The following LRRC8D variants were observed in gnomAD, a reference collection of about 807,000 sequenced individuals.
The protein encoded by LRRC8D is leucine rich repeat containing 8 VRAC subunit D.
Under a neutral mutation model 55.8 loss-of-function variants are expected in LRRC8D, and 20 were observed. The ratio of observed to expected loss-of-function variants is 0.36; its 90% CI spans 0.25 to 0.52. The LOEUF (loss-of-function observed/expected upper bound fraction) is 0.52. Among genes scored for constraint, LRRC8D ranks in the 20% least tolerant of loss-of-function variants. The pLI is 0.93. For synonymous variants in LRRC8D, 352 were observed against 377.0 expected (o/e 0.93, Z 0.77); for missense variants, 651 against 1,030.8 (o/e 0.63, Z 5.05).
At chr1:89,904,985 T>C (rs1662954578) in intron 2 of LRRC8D, among the ~76,000 whole-genome samples, 1 of 127,338 alleles carries the variant, frequency 7.9e-6, no homozygotes, top group Non-Finnish European at 1.9e-5. Context: ...AATTTTTACA[T>C]GGAAGTACTT....
chr1:89,841,624 C>T (rs761312270), intron 1 of LRRC8D, among the ~76,000 whole-genome samples: 1 of 152,106 alleles, frequency 6.6e-6, no homozygotes, highest in Non-Finnish European at 1.5e-5. Context: ...ATGCAGGAAT[C>T]GAATTTTAGT....
chr1:89,933,648 G>T lies in LRRC8D; in HGVS notation c.580G>T (p.Glu194Ter). The T allele has an allele frequency of 6.2e-7, 1 of 1,614,096 alleles. No individual in the cohort carries two copies. The highest frequency in any genetic ancestry group is 1.1e-5 in the South Asian group (1 of 91,078). ...FKYPKTCSKVEHFVSILGKCF... is the reference protein window; with the variant it reads ...FKYPKTCSKV ...ATATCCCAAAACATGCTCAAAAGTA[G>T]AACATTTTGTTTCAATATTAGGAAA... The change falls in exon 3 of 3, where the codon GAA becomes TAA. Residue 194 changes from glutamate to a stop codon, truncating the protein, a stop_gained. Transcript: ENST00000337338. LOFTEE classifies it high-confidence loss of function. This position sits in a 1 kb window ranked among gnomAD's most constrained non-coding sequence, Gnocchi z 7.0.
intron 2 of LRRC8D, among the ~76,000 whole-genome samples, chr1:89,864,581 A>G (rs530787765): frequency 8.4e-4 from 128 of 152,026 alleles, no homozygotes; most frequent in Non-Finnish European, 1.6e-3. Context: ...GGCCTCCATC[A>G]TGTTTTGCCT....
intron 2 of LRRC8D, among the ~76,000 whole-genome samples, chr1:89,849,325 A>G (rs990159119): frequency 4.6e-5 from 7 of 152,166 alleles, no homozygotes; most frequent in Admixed American, 2.0e-4. Context: ...TAAGCAACCT[A>G]GGCATATGGA....
rs1409210999 is a variant in LRRC8D, at chr1:89,889,983, C to T, written c.-2-43084C>T. Among the ~76,000 whole-genome samples, 5 of 151,932 alleles carry T rather than the reference C, an allele frequency of 3.3e-5. No homozygotes were observed. The East Asian group carries it at 5.8e-4, about 18-fold the overall frequency. On this transcript the variant is annotated intron_variant, in intron 2 of 2. Coordinates refer to ENST00000337338, the MANE Select transcript of LRRC8D (RefSeq NM_001134479.2). ...TGGGTGGATCACGAGATCAGGAGATCGAGACCATCCTGGCTAACACAGTGA... is the reference window on the plus strand; with the variant it reads ...TGGGTGGATCACGAGATCAGGAGATTGAGACCATCCTGGCTAACACAGTGA...
intron 2 of LRRC8D, among the ~76,000 whole-genome samples, chr1:89,901,280 T>TA (rs1662843180): frequency 6.6e-6 from 1 of 152,300 alleles, no homozygotes; most frequent in African/African-American, 2.4e-5. Flanking sequence ...GAAAGACCTC[T>TA]AAACAGGCAG....
At chr1:89,830,997 C>G (rs1660873183) in intron 1 of LRRC8D, among the ~76,000 whole-genome samples, 1 of 151,446 alleles carries the variant, frequency 6.6e-6, no homozygotes, top group African/African-American at 2.4e-5. Flanking sequence ...CCTCCGCCTC[C>G]CGGGTTCAAG....
chr1:89,930,421 G>A (rs189332684), intron 2 of LRRC8D, among the ~76,000 whole-genome samples: 11 of 152,050 alleles, frequency 7.2e-5, no homozygotes, highest in Admixed American at 4.6e-4. Context: ...CTCAAACTCC[G>A]CCTCAAATGA....
rs71584958 is a variant in LRRC8D, at chr1:89,907,183, C to CTTTTTTTTTT, written c.-2-25867_-2-25858dup. Among the ~76,000 whole-genome samples the CTTTTTTTTTT allele has an allele frequency of 5.7e-5, 4 of 69,816 alleles. 1 individual carries two copies. Among genetic ancestry groups the CTTTTTTTTTT allele is most frequent in the Non-Finnish European group, 5.6e-5 (2 of 36,016 alleles). 45.8% of individuals were successfully genotyped at this position (69,816 alleles called of 152,430 possible). A position where few individuals can be genotyped will look rare whatever the true frequency, so the allele number is the denominator to read the frequency against. ...TTGGGCTTCCTGTCTTCCACTGTGT[C>CTTTTTTTTTT]TTTTTTTTTTTTTTTTTTTTTTTTT... On this transcript the variant is annotated intron_variant, in intron 2 of 2. Coordinates refer to ENST00000337338, the MANE Select transcript of LRRC8D (RefSeq NM_001134479.2).
At chr1:89,920,202 T>C (rs1316976613) in intron 2 of LRRC8D, among the ~76,000 whole-genome samples, 3 of 152,238 alleles carry the variant, frequency 2.0e-5, no homozygotes, top group Non-Finnish European at 4.4e-5. Context: ...TTAACATATT[T>C]AGAGTTATGT....
chr1:89,905,572 C>T (rs1302924535), intron 2 of LRRC8D, among the ~76,000 whole-genome samples: 4 of 152,146 alleles, frequency 2.6e-5, no homozygotes, highest in African/African-American at 7.2e-5. Flanking sequence ...AGGAGTCAGG[C>T]TGGTAGATTG....
At chr1:89,882,970 G>A (rs1480391144) in intron 2 of LRRC8D, among the ~76,000 whole-genome samples, 1 of 152,164 alleles carries the variant, frequency 6.6e-6, no homozygotes, top group Non-Finnish European at 1.5e-5. Flanking sequence ...GCAGATAGTG[G>A]ATGGGGCTTC....
chr1:89,893,981 A>G (rs1023266733), intron 2 of LRRC8D, among the ~76,000 whole-genome samples: 4 of 152,210 alleles, frequency 2.6e-5, no homozygotes, highest in African/African-American at 9.7e-5. Flanking sequence ...GTTATGGACT[A>G]AGTGTTTATG....
At chr1:89,833,461 T>G (rs1297236246) in intron 1 of LRRC8D, among the ~76,000 whole-genome samples, 1 of 152,194 alleles carries the variant, frequency 6.6e-6, no homozygotes, top group African/African-American at 2.4e-5. Context: ...ACTGGTAGAT[T>G]TGGTGAGCTT....
intron 1 of LRRC8D, among the ~76,000 whole-genome samples, chr1:89,840,304 G>A (rs995257996): frequency 2.6e-5 from 4 of 152,202 alleles, no homozygotes; most frequent in Admixed American, 6.5e-5. Context: ...AGGAGCGGGC[G>A]AATAGCTGAC....
At chr1:89,833,506 A>G (rs1660933508) in intron 1 of LRRC8D, among the ~76,000 whole-genome samples, 2 of 152,120 alleles carry the variant, frequency 1.3e-5, no homozygotes, top group Admixed American at 1.3e-4. Context: ...TTTGCAACCT[A>G]TTTGGAGGCA....
At chr1:89,866,914 G>C (rs1179758292) in intron 2 of LRRC8D, among the ~76,000 whole-genome samples, 2 of 151,948 alleles carry the variant, frequency 1.3e-5, no homozygotes, top group Non-Finnish European at 1.5e-5. Flanking sequence ...AGGAAAAATC[G>C]GTGTGATGTC....
intron 2 of LRRC8D, among the ~76,000 whole-genome samples, chr1:89,903,386 G>A (rs1422953394): frequency 2.0e-5 from 3 of 152,114 alleles, no homozygotes; most frequent in African/African-American, 4.8e-5. Flanking sequence ...TCTCTGTAAC[G>A]GCATCTTTTC....
rs528391318 is a variant in LRRC8D, at chr1:89,862,154, A to G, written c.-3+18372A>G. ...AGGAGGCTTTCAGGTCACTCTATGC[A>G]GCGATTTTCTTCTATTAATAATAAA... On this transcript the variant is annotated intron_variant, in intron 2 of 2. Coordinates refer to ENST00000337338, the MANE Select transcript of LRRC8D (RefSeq NM_001134479.2). Among the ~76,000 whole-genome samples, 4 of 152,328 alleles carry G rather than the reference A, an allele frequency of 2.6e-5. No homozygotes were observed. The East Asian group carries it at 5.8e-4, about 22-fold the overall frequency.
Sources: allele counts gnomAD v4.1 joint callset (sites outside exome capture counted in the v4.1 genomes callset), GRCh38; gene constraint gnomAD v4.1.1; non-coding constraint Gnocchi (gnomAD v3.1); transcripts MANE v1.5; gene names NCBI Gene and HGNC (gene_info 2026-07-23, HGNC 2026-07-21).